Variants in FSHR observed in about 807,000 individuals in gnomAD.
The protein encoded by FSHR is follicle-stimulating hormone receptor.
A neutral mutation model predicts 52.1 loss-of-function variants in FSHR; 46 were observed. The observed-to-expected ratio is 0.88, with a 90% CI of 0.70 to 1.13. The LOEUF (loss-of-function observed/expected upper bound fraction) is 1.13, where lower values mean the gene tolerates loss of function less well. Ranked by LOEUF, FSHR falls within the 50% of genes most tolerant of loss-of-function variation. The probability of loss-of-function intolerance (pLI) is 0.00; values close to 1 mark genes in which losing one functional copy is unlikely to be tolerated. For synonymous variants in FSHR, 399 were observed against 309.6 expected (o/e 1.29, Z -3.03); for missense variants, 964 against 834.6 (o/e 1.16, Z -1.91).
chr2:49,139,723 G>C (rs554173110), intron 1 of FSHR, among the ~76,000 whole-genome samples: 5 of 151,378 alleles, frequency 3.3e-5, no homozygotes, highest in Admixed American at 3.3e-4. Context: ...TCAGCCTCCT[G>C]AGTAGCTGGG....
intron 4 of FSHR, among the ~76,000 whole-genome samples, 168 bp from the exon 5 acceptor site, chr2:48,990,805 G>A (rs529507576): frequency 5.9e-5 from 9 of 151,888 alleles, no homozygotes; most frequent in South Asian, 4.2e-4. Context: ...TTTAAGGTTC[G>A]TTCCACGGTC....
chr2:49,052,359 T>C (rs1305446445), intron 2 of FSHR, among the ~76,000 whole-genome samples: 1 of 151,866 alleles, frequency 6.6e-6, no homozygotes, highest in African/African-American at 2.4e-5. Flanking sequence ...ATGTAGATGA[T>C]ACACTTTACA....
chr2:49,137,936 A>G (rs1358921603), intron 1 of FSHR, among the ~76,000 whole-genome samples: 1 of 152,126 alleles, frequency 6.6e-6, no homozygotes, highest in Non-Finnish European at 1.5e-5. Flanking sequence ...AAAAAAGAAT[A>G]AAAAAATACT....
At chr2:49,094,809 A>G (rs1670760331) in intron 1 of FSHR, among the ~76,000 whole-genome samples, 1 of 152,114 alleles carries the variant, frequency 6.6e-6, no homozygotes, top group Non-Finnish European at 1.5e-5. Context: ...GAGAAATAAA[A>G]TAGAGAATAG....
chr2:49,131,320 C>T (rs1672254300), intron 1 of FSHR, among the ~76,000 whole-genome samples: 2 of 152,034 alleles, frequency 1.3e-5, no homozygotes, highest in Non-Finnish European at 2.9e-5. Flanking sequence ...TGCTTTTATG[C>T]ATAAAAGACT....
intron 1 of FSHR, among the ~76,000 whole-genome samples, chr2:49,103,233 A>G (rs60436928): frequency 0.027 from 4,178 of 152,214 alleles, 176 homozygotes; most frequent in African/African-American, 0.095. Context: ...GCCCCTGAGG[A>G]TATCTAGGAA....
chr2:49,100,677 G>T, intron 1 of FSHR, among the ~76,000 whole-genome samples: 1 of 152,208 alleles, frequency 6.6e-6, no homozygotes, highest in Middle Eastern at 3.2e-3. Context: ...TCCCTGATCA[G>T]ATCCTTAAAT....
At chr2:49,049,242 A>G (rs986499881) in intron 2 of FSHR, among the ~76,000 whole-genome samples, 6 of 152,148 alleles carry the variant, frequency 3.9e-5, no homozygotes, top group Non-Finnish European at 8.8e-5. Context: ...TGACAAATAT[A>G]ATTCACTGGA....
rs753348338 is a variant in FSHR at position 48,962,767 on chromosome 2, A to T, written c.2054T>A (p.Ile685Lys). The change falls in exon 10 of 10, where the codon ATA becomes AAA. Residue 685 changes from isoleucine to lysine, a missense_variant. Ile to Lys is a moderately radical substitution (Grantham distance 102, BLOSUM62 -3). Coordinates refer to ENST00000406846, the MANE Select transcript of FSHR (RefSeq NM_000145.4). ...GGCTAAATGACTTAGAGGGACAAGT[A>T]TGTAAGTGGAACCACTGGTGACTCT... is the stretch of plus-strand genomic sequence containing the variant. The part of the protein sequence containing the change: ...APRVTSGSTY[I>K]LVPLSHLAQN The T allele has an allele frequency of 6.2e-7, 1 of 1,614,062 alleles. No individual in the cohort carries two copies.
intron 6 of FSHR, among the ~76,000 whole-genome samples, chr2:48,987,470 A>G (rs1324799770): frequency 1.3e-5 from 2 of 151,988 alleles, no homozygotes; most frequent in African/African-American, 4.8e-5. Flanking sequence ...TCTGTCTCCC[A>G]AAGTGCTTGG....
At chr2:49,017,358 C>G in intron 4 of FSHR, 131 bp downstream of exon 4, 1 of 669,098 alleles carries the variant, frequency 1.5e-6, no homozygotes, top group Non-Finnish European at 2.7e-6. Flanking sequence ...ATCTCTCCAC[C>G]TCCACTTCTG....
At chr2:48,968,930 A>G in intron 8 of FSHR, 47 bp from the exon 9 acceptor site, 1 of 1,568,550 alleles carries the variant, frequency 6.4e-7, no homozygotes, top group South Asian at 1.1e-5. Context: ...TGGACCTAAA[A>G]CTTTCTGCTC....
chr2:49,024,578 A>G (rs1667855369), intron 2 of FSHR, among the ~76,000 whole-genome samples: 1 of 152,160 alleles, frequency 6.6e-6, no homozygotes, highest in South Asian at 2.1e-4. Context: ...GAAATGAATA[A>G]AATAAACAAT....
intron 1 of FSHR, among the ~76,000 whole-genome samples, chr2:49,100,673 A>G (rs1341502447): frequency 6.6e-6 from 1 of 152,210 alleles, no homozygotes; most frequent in Non-Finnish European, 1.5e-5. Context: ...CAGATCCCTG[A>G]TCAGATCCTT....
intron 1 of FSHR, among the ~76,000 whole-genome samples, chr2:49,128,326 G>A (rs1233828170): frequency 6.6e-6 from 1 of 152,034 alleles, no homozygotes; most frequent in Non-Finnish European, 1.5e-5. Flanking sequence ...AAAATTATAA[G>A]CATTTATAAC....
chr2:49,060,271 A>C (rs1420019095), intron 2 of FSHR, among the ~76,000 whole-genome samples: 2 of 152,198 alleles, frequency 1.3e-5, no homozygotes, highest in African/African-American at 2.4e-5. Context: ...TATGGAAAAC[A>C]GTATAAAAAG....
chr2:49,054,139 C>G (rs985126070), intron 2 of FSHR, among the ~76,000 whole-genome samples: 1 of 152,158 alleles, frequency 6.6e-6, no homozygotes, highest in African/African-American at 2.4e-5. Flanking sequence ...CTGTTTAAGC[C>G]TGTTTTCTTA....
At chr2:49,049,083 A>G (rs1419991180) in intron 2 of FSHR, among the ~76,000 whole-genome samples, 1 of 152,170 alleles carries the variant, frequency 6.6e-6, no homozygotes, top group East Asian at 1.9e-4. Flanking sequence ...AAAAGCTAGA[A>G]AAATCCCCAG....
chr2:49,105,118 A>G (rs1403080918), intron 1 of FSHR, among the ~76,000 whole-genome samples: 1 of 152,152 alleles, frequency 6.6e-6, no homozygotes, highest in East Asian at 1.9e-4. Context: ...CACACTTTGT[A>G]CTTTTCAAAC....
Sources: gnomAD v4.1 joint callset for allele counts (sites outside exome capture counted in the v4.1 genomes callset) on GRCh38, gnomAD v4.1.1 for gene constraint, MANE v1.5 for transcripts, NCBI Gene and HGNC (gene_info 2026-07-23, HGNC 2026-07-21) for gene names.